ELOVL5: variants seen among roughly 807,000 people sequenced by gnomAD.
ELOVL5 encodes the protein very long chain fatty acid elongase 5.
A neutral mutation model predicts 38.6 loss-of-function variants in ELOVL5; 8 were observed. The observed-to-expected ratio is 0.21, with a 90% confidence interval of 0.12 to 0.37. The LOEUF is 0.37. Ranked by LOEUF, ELOVL5 falls within the 10% of genes least tolerant of loss-of-function variation. The probability of loss-of-function intolerance (pLI) is 1.00; values close to 1 mark genes in which losing one functional copy is unlikely to be tolerated. For synonymous variants in ELOVL5, 127 were observed against 133.7 expected (o/e 0.95, Z 0.34); for missense variants, 280 against 367.8 (o/e 0.76, Z 1.95).
intron 1 of ELOVL5, among the ~76,000 whole-genome samples, chr6:53,338,796 T>G (rs1463149104): frequency 6.6e-6 from 1 of 152,258 alleles, no homozygotes; most frequent in African/African-American, 2.4e-5. Context: ...TCTTAACTGA[T>G]GTGATTACTT....
chr6:53,313,359 C>G (rs1194975751), intron 1 of ELOVL5, among the ~76,000 whole-genome samples: 1 of 147,684 alleles, frequency 6.8e-6, no homozygotes, highest in African/African-American at 2.6e-5. Context: ...ACATAGAAAA[C>G]TTAGTTTTAT....
chr6:53,307,957 A>G (rs1283801043), intron 1 of ELOVL5, among the ~76,000 whole-genome samples: 1 of 152,196 alleles, frequency 6.6e-6, no homozygotes, highest in East Asian at 1.9e-4. Flanking sequence ...CTCCAACTCT[A>G]TTGCCTATCA....
chr6:53,282,075 A>C (rs1235409694), intron 3 of ELOVL5, among the ~76,000 whole-genome samples: 1 of 152,238 alleles, frequency 6.6e-6, no homozygotes, highest in Non-Finnish European at 1.5e-5. Context: ...CTCTGTAGAA[A>C]GCAGATGGTA....
intron 3 of ELOVL5, among the ~76,000 whole-genome samples, chr6:53,291,211 A>G (rs1766762176): frequency 6.6e-6 from 1 of 152,250 alleles, no homozygotes; most frequent in Admixed American, 6.5e-5. Flanking sequence ...GCAGTGATAT[A>G]AAATAACTGG....
chr6:53,345,438 C>T (rs1365920120), intron 1 of ELOVL5, among the ~76,000 whole-genome samples: 1 of 152,160 alleles, frequency 6.6e-6, no homozygotes, highest in Non-Finnish European at 1.5e-5. Flanking sequence ...ATATAAGTGT[C>T]CCAGAAATCT....
chr6:53,333,065 G>T (rs546122108), intron 1 of ELOVL5, among the ~76,000 whole-genome samples: 3 of 152,338 alleles, frequency 2.0e-5, no homozygotes, highest in African/African-American at 7.2e-5. Context: ...ATCTGGGAGT[G>T]ACACTCCACC....
In ELOVL5 at chr6:53,291,888, A is replaced by G. The variant is rs976207438; in HGVS notation, c.134T>C (p.Ile45Thr). 6.2e-7 allele frequency: 1 copy of G among 1,613,060 alleles called. No individual in the cohort carries two copies. The highest frequency in any genetic ancestry group is 8.5e-7 in the Non-Finnish European group (1 of 1,179,038). The change falls in exon 3 of 8, where the codon ATT becomes ACT. Residue 45 changes from isoleucine (I) to threonine (T), a missense_variant. Physicochemically the swap from Ile to Thr is moderately conservative, Grantham distance 89. This residue lies in a region of ELOVL5 where 150 missense variants were observed against 178.0 expected (regional missense o/e 0.84). Transcript: ENST00000304434. ...TFICSVIYLL[I>T]VWLGPKYMRN... ...CATGTATTTTGGTCCCAGCCATACA[A>G]TTAGTAAATATATGACAGAGCAGAT...
At chr6:53,275,632 G>A (rs1298758798) in intron 4 of ELOVL5, among the ~76,000 whole-genome samples, 3 of 152,132 alleles carry the variant, frequency 2.0e-5, no homozygotes, top group South Asian at 2.1e-4. Context: ...TCTGAAAAAC[G>A]CTATTGATTT....
At chr6:53,341,196 G>C (rs770055633) in intron 1 of ELOVL5, among the ~76,000 whole-genome samples, 1 of 152,092 alleles carries the variant, frequency 6.6e-6, no homozygotes, top group Admixed American at 6.5e-5. Flanking sequence ...AGAAACAAAC[G>C]GTCACCCTTT....
intron 1 of ELOVL5, among the ~76,000 whole-genome samples, chr6:53,320,574 C>T (rs180917146): frequency 1.3e-5 from 2 of 152,072 alleles, no homozygotes; most frequent in African/African-American, 4.8e-5. Flanking sequence ...CCACCCACCT[C>T]GGCCTCCCAA....
At position 53,268,552 on chromosome 6, in the gene ELOVL5, T is replaced by C. The variant is rs1765815494; in HGVS notation, c.*575A>G. 1 of 152,670 alleles carries C rather than the reference T, an allele frequency of 6.6e-6. No individual in the cohort carries two copies. The highest frequency in any genetic ancestry group is 1.5e-5 in the Non-Finnish European group (1 of 68,046). The allele number at this position is 152,670 out of a possible 1,614,324, so 9.5% of individuals were successfully genotyped here. ...ATAGTACAAAACTGAAGGTGCCGTG[T>C]CTGATTTCACATCAACAAGTCACTG... On this transcript the variant is annotated 3_prime_UTR_variant, in exon 8 of 8. Coordinates refer to ENST00000304434, the MANE Select transcript of ELOVL5 (RefSeq NM_021814.5).
At chr6:53,346,271 T>C (rs964340703) in intron 1 of ELOVL5, among the ~76,000 whole-genome samples, 1 of 152,200 alleles carries the variant, frequency 6.6e-6, no homozygotes, top group Non-Finnish European at 1.5e-5. Context: ...TAGTATTCCA[T>C]GGTGTATATG....
At chr6:53,343,533 C>A (rs1484990374) in intron 1 of ELOVL5, among the ~76,000 whole-genome samples, 4 of 152,084 alleles carry the variant, frequency 2.6e-5, no homozygotes, top group Non-Finnish European at 5.9e-5. Context: ...TTTCTAAGAT[C>A]TAAATGATCT....
intron 1 of ELOVL5, among the ~76,000 whole-genome samples, chr6:53,313,008 A>G (rs1767904785): frequency 1.3e-5 from 2 of 152,212 alleles, no homozygotes; most frequent in Non-Finnish European, 2.9e-5. Context: ...TATTCAGACT[A>G]CTCAGGTGAT....
intron 7 of ELOVL5, 119 bp from the exon 8 acceptor site, chr6:53,269,389 A>G: frequency 1.4e-6 from 1 of 713,626 alleles, no homozygotes; most frequent in Non-Finnish European, 2.1e-6. Context: ...TATCAAGGAG[A>G]AACTCCTGAG....
Position 53,347,808 on chromosome 6 carries a change from T to C in ELOVL5, c.-9+1009A>G, listed in dbSNP as rs1272089377. 6.0e-5 allele frequency among the ~76,000 whole-genome samples: 9 copies of C among 150,360 alleles called. No homozygotes were observed. In the South Asian group the frequency reaches 8.7e-4, roughly 15 times the overall value. ...TGCAATCAAGGAGCTTAATTCACAA[T>C]TGTGGATGGGGCGGGGGGAACCGCC... On this transcript the variant is annotated intron_variant, in intron 1 of 7. Transcript: ENST00000304434.
chr6:53,339,101 G>A (rs181491590), intron 1 of ELOVL5, among the ~76,000 whole-genome samples: 154 of 152,270 alleles, frequency 1.0e-3, no homozygotes, highest in African/African-American at 3.5e-3. Flanking sequence ...TGAGGAGAGG[G>A]AGAAGCAAAG....
intron 1 of ELOVL5, among the ~76,000 whole-genome samples, chr6:53,306,228 AG>A (rs1767542029): frequency 4.4e-5 from 1 of 22,594 alleles, no homozygotes; most frequent in Non-Finnish European, 7.2e-5. Flanking sequence ...GGGAGAGGGG[AG>A]AGGGGAGAGG....
At chr6:53,317,591 C>A (rs1227953482) in intron 1 of ELOVL5, among the ~76,000 whole-genome samples, 1 of 151,074 alleles carries the variant, frequency 6.6e-6, no homozygotes, top group Non-Finnish European at 1.5e-5. Flanking sequence ...GGGAACTGAA[C>A]AATGAGAACA....
Sources: allele counts gnomAD v4.1 joint callset (sites outside exome capture counted in the v4.1 genomes callset), GRCh38; gene constraint gnomAD v4.1.1; regional missense constraint gnomAD v4.1.1; transcripts MANE v1.5; gene names NCBI Gene and HGNC (gene_info 2026-07-23, HGNC 2026-07-21).